Variants in FGF12 observed in about 807,000 individuals in gnomAD.
The protein encoded by FGF12 is fibroblast growth factor 12B.
A neutral mutation model predicts 23.6 loss-of-function variants in FGF12; 14 were observed. The observed-to-expected ratio is 0.59, with a 90% CI of 0.39 to 0.93. FGF12 has a LOEUF of 0.93. Ranked by LOEUF, FGF12 falls within the 40% of genes least tolerant of loss-of-function variation. FGF12 has a pLI of 0.00. For missense variants in FGF12, 175 were observed against 217.8 expected, an observed-to-expected ratio of 0.80 and a Z score of 1.24; for synonymous variants, 62 against 77.3, an observed-to-expected ratio of 0.80 and a Z score of 1.04.
chr3:192,220,830 T>C (rs1345744917), intron 4 of FGF12, among the ~76,000 whole-genome samples: 1 of 152,222 alleles, frequency 6.6e-6, no homozygotes, highest in African/African-American at 2.4e-5. Context: ...AATGGAAACA[T>C]GATGTTAAAT....
chr3:192,166,486 C>T (rs1181455530), intron 5 of FGF12, among the ~76,000 whole-genome samples: 1 of 152,242 alleles, frequency 6.6e-6, no homozygotes, highest in Non-Finnish European at 1.5e-5. Flanking sequence ...TGTAGCCTGT[C>T]TTACCAGTTT....
At chr3:192,244,055 T>G (rs1160860772) in intron 4 of FGF12, among the ~76,000 whole-genome samples, 1 of 152,142 alleles carries the variant, frequency 6.6e-6, no homozygotes, top group Non-Finnish European at 1.5e-5. Flanking sequence ...TTTTTAAAAT[T>G]ACATAACTCA....
chr3:192,527,173 G>C (rs898907720), intron 2 of FGF12, among the ~76,000 whole-genome samples: 1 of 152,164 alleles, frequency 6.6e-6, no homozygotes, highest in African/African-American at 2.4e-5. Context: ...AGAGACCTGA[G>C]CTAGCACACA....
intron 4 of FGF12, among the ~76,000 whole-genome samples, chr3:192,214,248 G>A (rs1272194992): frequency 2.0e-5 from 3 of 152,136 alleles, no homozygotes; most frequent in Non-Finnish European, 4.4e-5. Context: ...TACTGCTTAG[G>A]AAATTCAGAG....
At chr3:192,541,180 G>A (rs1314565103) in intron 2 of FGF12, among the ~76,000 whole-genome samples, 2 of 151,926 alleles carry the variant, frequency 1.3e-5, no homozygotes, top group East Asian at 3.9e-4. Flanking sequence ...TTGTTTTCTG[G>A]TTGTTTGTGG....
chr3:192,661,145 G>A (rs1716654945), intron 2 of FGF12, among the ~76,000 whole-genome samples: 1 of 151,330 alleles, frequency 6.6e-6, no homozygotes. Context: ...ATTATTAAGG[G>A]ACCTGGCTGA....
intron 4 of FGF12, 42 bp downstream of exon 4, chr3:192,335,319 G>T (rs761298301): frequency 1.5e-6 from 2 of 1,323,916 alleles, no homozygotes. Flanking sequence ...CTCAGTGGTA[G>T]TTCACACACA....
At chr3:192,680,356 C>T (rs1304084525) in intron 2 of FGF12, among the ~76,000 whole-genome samples, 4 of 152,138 alleles carry the variant, frequency 2.6e-5, no homozygotes, top group East Asian at 3.9e-4. Context: ...ATGCCCAGGA[C>T]ACAAGGGGAA....
At chr3:192,466,872 G>A (rs193176775) in intron 2 of FGF12, among the ~76,000 whole-genome samples, 5 of 152,132 alleles carry the variant, frequency 3.3e-5, no homozygotes, top group African/African-American at 1.2e-4. Context: ...AATGTGGTTT[G>A]TAGACAGACA....
intron 2 of FGF12, among the ~76,000 whole-genome samples, chr3:192,564,349 C>T (rs1365019948): frequency 1.3e-5 from 2 of 152,184 alleles, no homozygotes; most frequent in Non-Finnish European, 2.9e-5. Context: ...CAGGAGTGAG[C>T]CACTGCGCCC....
intron 2 of FGF12, among the ~76,000 whole-genome samples, chr3:192,526,551 C>T (rs532974989): frequency 2.2e-4 from 33 of 152,198 alleles, no homozygotes; most frequent in African/African-American, 5.5e-4. Flanking sequence ...AACACACACA[C>T]GCATACACAC....
intron 2 of FGF12, among the ~76,000 whole-genome samples, chr3:192,364,728 A>T (rs1489071731): frequency 1.3e-5 from 2 of 152,216 alleles, no homozygotes; most frequent in African/African-American, 4.8e-5. Flanking sequence ...AGGTAAAGGA[A>T]AGATGACTGC....
chr3:192,238,399 CA>C (rs1334958501), intron 4 of FGF12: 1 of 152,126 alleles, frequency 6.6e-6, no homozygotes, highest in Non-Finnish European at 1.5e-5. Context: ...TATGCACTGA[CA>C]GGGGGAGGAT....
At chr3:192,489,149 T>G (rs1053460654) in intron 2 of FGF12, among the ~76,000 whole-genome samples, 17 of 152,080 alleles carry the variant, frequency 1.1e-4, no homozygotes, top group Admixed American at 1.1e-3. Flanking sequence ...CAAAGTAACT[T>G]TTAGACATAT....
chr3:192,326,380 C>G (rs1387969698), intron 4 of FGF12, among the ~76,000 whole-genome samples: 3 of 152,150 alleles, frequency 2.0e-5, no homozygotes, highest in East Asian at 1.9e-4. Flanking sequence ...CAACCACTTT[C>G]TCCCATCATC....
chr3:192,384,143 T>C (rs1422685942), intron 2 of FGF12, among the ~76,000 whole-genome samples: 9 of 152,194 alleles, frequency 5.9e-5, no homozygotes, highest in Non-Finnish European at 1.3e-4. Flanking sequence ...AAATTAGACA[T>C]CATTAGTAAT....
intron 2 of FGF12, among the ~76,000 whole-genome samples, chr3:192,692,241 T>A (rs575464090): frequency 1.3e-5 from 2 of 152,282 alleles, no homozygotes; most frequent in Non-Finnish European, 1.5e-5. Context: ...ATACCTCTGA[T>A]GAACATCGAT....
chr3:192,435,962 C>T (rs1722011463), intron 2 of FGF12, among the ~76,000 whole-genome samples: 2 of 152,110 alleles, frequency 1.3e-5, no homozygotes, highest in South Asian at 4.1e-4. Flanking sequence ...TTTTTTGAAA[C>T]AACACAATTT....
chr3:192,331,826 C>T (rs73066595), intron 4 of FGF12, among the ~76,000 whole-genome samples: 13,153 of 152,074 alleles, frequency 0.086, 1,688 homozygotes, highest in African/African-American at 0.28. Flanking sequence ...TAATTAACAA[C>T]AGATACCAGA....
Sources: allele counts gnomAD v4.1 joint callset (sites outside exome capture counted in the v4.1 genomes callset), GRCh38; gene constraint gnomAD v4.1.1; transcripts MANE v1.5; gene names NCBI Gene and HGNC (gene_info 2026-07-23, HGNC 2026-07-21).